The following SCFD2 variants were observed in gnomAD, a reference collection of about 807,000 sequenced individuals.
The protein encoded by SCFD2 is sec1 family domain-containing protein 2.
In SCFD2, 54 loss-of-function variants were observed where a neutral mutation model predicts 58.9. The ratio of observed to expected loss-of-function variants is 0.92; its 90% CI spans 0.74 to 1.15. SCFD2 has a LOEUF of 1.15. SCFD2 is among the 50% of genes most tolerant of loss of function. The pLI is 0.00. For synonymous variants in SCFD2, 321 were observed against 335.9 expected, an observed-to-expected ratio of 0.96 and a Z score of 0.49; for missense variants, 805 against 836.6, an observed-to-expected ratio of 0.96 and a Z score of 0.47.
intron 4 of SCFD2, among the ~76,000 whole-genome samples, chr4:53,237,199 C>T (rs1382936296): frequency 1.3e-5 from 2 of 149,410 alleles, no homozygotes; most frequent in East Asian, 2.0e-4. Flanking sequence ...AAGAATTTTT[C>T]TTAGTACAGA....
chr4:53,257,253 C>T (rs1234399934), intron 4 of SCFD2, among the ~76,000 whole-genome samples: 1 of 152,146 alleles, frequency 6.6e-6, no homozygotes, highest in Non-Finnish European at 1.5e-5. Flanking sequence ...CGGTCACAGG[C>T]AAGCTATGAG....
chr4:53,278,661 T>C (rs1731410390), intron 3 of SCFD2, among the ~76,000 whole-genome samples: 1 of 152,192 alleles, frequency 6.6e-6, no homozygotes, highest in East Asian at 1.9e-4. Context: ...TGGGTATATC[T>C]CCTAACAGAA....
chr4:52,907,517 A>G lies in SCFD2; in HGVS notation c.1782T>C (p.Ile594=). The part of the protein sequence containing the change: ...FHPERPDSVD[I]EHMSSGLTDL... ...CAGTGAGGCCTGAAGACATGTGTTC[A>G]ATATCAACGGAATCTGGCCTCTCGG... Residue 594 remains isoleucine, a synonymous_variant, in exon 7 of 9, where the codon ATT becomes ATC. Transcript: ENST00000401642. The G allele has an allele frequency of 6.2e-7, 1 of 1,614,004 alleles. No individual in the cohort carries two copies. The highest frequency in any genetic ancestry group is 8.5e-7 in the Non-Finnish European group (1 of 1,179,852).
intron 3 of SCFD2, among the ~76,000 whole-genome samples, chr4:53,284,323 A>C (rs1396238230): frequency 6.6e-6 from 1 of 152,094 alleles, no homozygotes; most frequent in African/African-American, 2.4e-5. Context: ...TTATCTACTT[A>C]CTTTCTTACC....
At chr4:53,236,808 T>TTTCA (rs1729628860) in intron 4 of SCFD2, among the ~76,000 whole-genome samples, 1 of 138,300 alleles carries the variant, frequency 7.2e-6, no homozygotes, top group Non-Finnish European at 1.6e-5. Context: ...AAAGTCACTG[T>TTTCA]TTTATTTATT....
chr4:53,301,459 T>G (rs566621857), intron 3 of SCFD2, among the ~76,000 whole-genome samples: 18 of 151,878 alleles, frequency 1.2e-4, no homozygotes, highest in South Asian at 8.3e-4. Context: ...CAATAATTAA[T>G]AGCTTACCAA....
chr4:53,302,715 A>G (rs1322195142), intron 3 of SCFD2, among the ~76,000 whole-genome samples: 43 of 152,228 alleles, frequency 2.8e-4, no homozygotes, highest in Non-Finnish European at 5.3e-4. Flanking sequence ...ACAAGGCTAC[A>G]GTCACCAAAA....
At chr4:52,951,424 C>A (rs1200298031) in intron 5 of SCFD2, among the ~76,000 whole-genome samples, 1 of 150,954 alleles carries the variant, frequency 6.6e-6, no homozygotes. Flanking sequence ...GGCTTGTTAA[C>A]CTGAGACTGG....
intron 3 of SCFD2, among the ~76,000 whole-genome samples, chr4:53,301,906 C>T (rs373939026): frequency 9.2e-5 from 14 of 152,128 alleles, no homozygotes; most frequent in African/African-American, 2.2e-4. Context: ...CAACAACCCT[C>T]CATGCTAAAA....
intron 5 of SCFD2, among the ~76,000 whole-genome samples, chr4:53,065,504 G>A (rs1202423740): frequency 1.3e-5 from 2 of 151,942 alleles, no homozygotes; most frequent in Non-Finnish European, 2.9e-5. Context: ...TAACACTCTG[G>A]TTCACCTAAA....
intron 5 of SCFD2, among the ~76,000 whole-genome samples, chr4:53,122,969 T>C (rs998710004): frequency 2.6e-5 from 4 of 152,146 alleles, no homozygotes; most frequent in African/African-American, 9.7e-5. Flanking sequence ...ACAAAAAAAT[T>C]AGGGCTTATT....
intron 5 of SCFD2, among the ~76,000 whole-genome samples, chr4:53,129,633 C>A (rs966144768): frequency 6.6e-5 from 10 of 152,124 alleles, no homozygotes; most frequent in Non-Finnish European, 1.5e-4. Flanking sequence ...CATTCAAGAT[C>A]TTAATGAACC....
intron 4 of SCFD2, among the ~76,000 whole-genome samples, chr4:53,202,324 T>G (rs1021043338): frequency 6.6e-6 from 1 of 152,166 alleles, no homozygotes; most frequent in Non-Finnish European, 1.5e-5. Context: ...TTGTCAAAGA[T>G]CAGATAGCTG....
chr4:53,207,351 T>A (rs1259359208), intron 4 of SCFD2, among the ~76,000 whole-genome samples: 1 of 148,462 alleles, frequency 6.7e-6, no homozygotes, highest in Non-Finnish European at 1.5e-5. Flanking sequence ...GGGGAGAATT[T>A]TTTTTTAAAT....
chr4:53,163,352 C>T (rs1443488371), intron 4 of SCFD2, among the ~76,000 whole-genome samples: 1 of 152,204 alleles, frequency 6.6e-6, no homozygotes, highest in Admixed American at 6.5e-5. Context: ...CCACCCAGAA[C>T]TCACTGGCTT....
chr4:53,052,855 A>G (rs1039578152), intron 5 of SCFD2, among the ~76,000 whole-genome samples: 1 of 152,200 alleles, frequency 6.6e-6, no homozygotes, highest in African/African-American at 2.4e-5. Flanking sequence ...GATCTGACAG[A>G]CAAAATGTGG....
chr4:53,332,236 A>C (rs905790795), intron 2 of SCFD2, among the ~76,000 whole-genome samples: 27 of 151,426 alleles, frequency 1.8e-4, no homozygotes, highest in African/African-American at 5.6e-4. Context: ...AATCCTCCCT[A>C]ACTCATTTTA....
intron 2 of SCFD2, among the ~76,000 whole-genome samples, chr4:53,343,004 C>T (rs1420420572): frequency 6.6e-6 from 1 of 152,076 alleles, no homozygotes. Context: ...CAAGAGAAAG[C>T]AGGAAAGATC....
At chr4:52,885,896 T>C in intron 7 of SCFD2, 30 bp from the exon 8 acceptor site, 1 of 1,612,846 alleles carries the variant, frequency 6.2e-7, no homozygotes, top group Non-Finnish European at 8.5e-7. Context: ...CAATATCAGA[T>C]GGATGGCAGT....
Sources: gnomAD v4.1 joint callset for allele counts (sites outside exome capture counted in the v4.1 genomes callset) on GRCh38, gnomAD v4.1.1 for gene constraint, MANE v1.5 for transcripts, NCBI Gene and HGNC (gene_info 2026-07-23, HGNC 2026-07-21) for gene names.